Variants in VOPP1 observed in about 807,000 individuals in gnomAD.
VOPP1 encodes the protein VOPP1 WW domain binding protein.
In VOPP1, 8 loss-of-function variants were observed where a neutral mutation model predicts 23.5. The ratio of observed to expected loss-of-function variants is 0.34; its 90% confidence interval spans 0.20 to 0.61. The LOEUF (loss-of-function observed/expected upper bound fraction) is 0.61, where lower values mean the gene tolerates loss of function less well. Ranked by LOEUF, VOPP1 falls within the 20% of genes least tolerant of loss-of-function variation. VOPP1 has a pLI of 0.78. For synonymous variants in VOPP1, 83 were observed against 97.3 expected, an observed-to-expected ratio of 0.85 and a Z score of 0.86; for missense variants, 174 against 238.1, an observed-to-expected ratio of 0.73 and a Z score of 1.77.
chr7:55,556,938 T>C (rs1475973334), intron 1 of VOPP1, among the ~76,000 whole-genome samples: 1 of 152,060 alleles, frequency 6.6e-6, no homozygotes, highest in African/African-American at 2.4e-5. Flanking sequence ...AAAAGAAACA[T>C]CACCTAGAGC....
intron 4 of VOPP1, among the ~76,000 whole-genome samples, chr7:55,454,208 A>G (rs1237873482): frequency 1.3e-5 from 2 of 152,112 alleles, no homozygotes; most frequent in Non-Finnish European, 2.9e-5. Context: ...TTCTAAATGG[A>G]TAAATTTCTG....
At chr7:55,528,204 A>C (rs1207969784) in intron 1 of VOPP1, among the ~76,000 whole-genome samples, 1 of 152,200 alleles carries the variant, frequency 6.6e-6, no homozygotes, top group African/African-American at 2.4e-5. Context: ...TTTGCTAAGA[A>C]AAAAAGGTCA....
At chr7:55,447,210 G>A (rs879424551) in intron 4 of VOPP1, among the ~76,000 whole-genome samples, 5 of 152,332 alleles carry the variant, frequency 3.3e-5, no homozygotes, top group South Asian at 2.1e-4. Flanking sequence ...CAGGCAAGGC[G>A]TCAGATTAGG....
At chr7:55,463,904 C>T (rs1055505921) in intron 4 of VOPP1, among the ~76,000 whole-genome samples, 21 of 152,336 alleles carry the variant, frequency 1.4e-4, no homozygotes, top group Non-Finnish European at 2.6e-4. Context: ...GTGCAAACTC[C>T]GGCAGACTGG....
intron 1 of VOPP1, among the ~76,000 whole-genome samples, chr7:55,535,506 G>A (rs1028394929): frequency 2.0e-5 from 3 of 152,028 alleles, no homozygotes; most frequent in Admixed American, 1.3e-4. Context: ...TGTCTCTGCC[G>A]CTCCTCCCAG....
At position 55,521,226 on chromosome 7, in the gene VOPP1, A is replaced by G. The variant is rs1352065118; in HGVS notation, c.55-96T>C. On this transcript the variant is annotated intron_variant, in intron 1 of 4. Transcript: ENST00000285279. ...GGCAGAAAGAAGGATGAGAAGACAC[A>G]GCTTAACCCATGAAAAGCTGGGATA... The G allele has an allele frequency of 4.7e-6, 6 of 1,264,338 alleles. No homozygotes were observed. In the African/African-American group the frequency reaches 6.0e-5, roughly 13 times the overall value. 78.3% of individuals were successfully genotyped at this position (1,264,338 alleles called of 1,614,324 possible).
At chr7:55,468,134 G>A (rs1373265362), downstream of VOPP1, among the ~76,000 whole-genome samples, 1 of 152,034 alleles carries the variant, frequency 6.6e-6, no homozygotes, top group Non-Finnish European at 1.5e-5. Flanking sequence ...AGCTGAGTGT[G>A]GTGGCATGTG....
At chr7:55,557,813 G>A (rs1379289503) in intron 1 of VOPP1, among the ~76,000 whole-genome samples, 1 of 152,244 alleles carries the variant, frequency 6.6e-6, no homozygotes, top group Non-Finnish European at 1.5e-5. Flanking sequence ...GGAAGGTGGA[G>A]CAAATGAGAG....
At chr7:55,534,223 C>T (rs1796652948) in intron 1 of VOPP1, among the ~76,000 whole-genome samples, 1 of 150,428 alleles carries the variant, frequency 6.6e-6, no homozygotes, top group Admixed American at 6.7e-5. Context: ...TCTACAGACA[C>T]TTAATAGACA....
intron 1 of VOPP1, among the ~76,000 whole-genome samples, chr7:55,567,219 A>G (rs1798191011): frequency 6.6e-6 from 1 of 152,202 alleles, no homozygotes; most frequent in African/African-American, 2.4e-5. Context: ...GCTCTGTGCC[A>G]GGCATGGTTC....
chr7:55,532,564 G>C lies in VOPP1; in HGVS notation c.55-11434C>G, dbSNP rs1796556800. ...TATGGAGAGTGAGAATATGGAACCT[G>C]TGATCCAAAATGAACCAGAAAAACA... On this transcript the variant is annotated intron_variant, in intron 1 of 4. Transcript: ENST00000285279. Among the ~76,000 whole-genome samples the C allele has an allele frequency of 2.0e-5, 3 of 152,200 alleles. No individual in the cohort carries two copies. The South Asian group carries it at 6.2e-4, about 31-fold the overall frequency.
rs1049744795 is a variant in VOPP1, at chr7:55,474,516, C to T, written c.329-1471G>A. 7.2e-5 allele frequency among the ~76,000 whole-genome samples: 11 copies of T among 152,286 alleles called. No homozygotes were observed. In the East Asian group the frequency reaches 1.9e-3, roughly 27 times the overall value. On this transcript the variant is annotated intron_variant, in intron 4 of 4. Coordinates refer to ENST00000285279, the MANE Select transcript of VOPP1 (RefSeq NM_030796.5). ...GGCCTGGGATTGACTCGATGGGGAG[C>T]GCACAGCGTGGGAGACAAGGGCTGA... is the stretch of plus-strand genomic sequence containing the variant.
intron 4 of VOPP1, among the ~76,000 whole-genome samples, chr7:55,482,079 TG>T (rs1402712897): frequency 2.0e-5 from 3 of 152,200 alleles, no homozygotes; most frequent in Non-Finnish European, 4.4e-5. Flanking sequence ...ACATGACTAT[TG>T]TATCTTCACC....
At chr7:55,487,360 A>C (rs1388596049) in intron 4 of VOPP1, among the ~76,000 whole-genome samples, 2 of 152,242 alleles carry the variant, frequency 1.3e-5, no homozygotes, top group African/African-American at 4.8e-5. Flanking sequence ...TCATTTTTAA[A>C]GAAAACTTGA....
Position 55,464,774 on chromosome 7 carries a change from G to A in VOPP1, n.417+27508C>T, listed in dbSNP as rs967486931. Among the ~76,000 whole-genome samples, 9 of 152,304 alleles carry A rather than the reference G, an allele frequency of 5.9e-5. No homozygotes were observed. The East Asian group carries it at 1.7e-3, about 29-fold the overall frequency. ...CGGGGAAGGATGTAGTCTGGTGGAG[G>A]CTGGCCTCTCAAAATAATGCCATGC... On this transcript the variant is annotated intron_variant and non_coding_transcript_variant, in intron 4 of 4. Coordinates refer to the VOPP1 transcript ENST00000462326.
At chr7:55,464,938 G>A (rs1040338698) in intron 4 of VOPP1, among the ~76,000 whole-genome samples, 4 of 152,204 alleles carry the variant, frequency 2.6e-5, no homozygotes, top group African/African-American at 9.7e-5. Context: ...CTGTGGCTAG[G>A]ACTGTAAGAG....
intron 4 of VOPP1, among the ~76,000 whole-genome samples, chr7:55,489,634 G>A (rs1287664979): frequency 6.6e-6 from 1 of 152,176 alleles, no homozygotes; most frequent in African/African-American, 2.4e-5. Context: ...AGGCGCCTCA[G>A]CAGGTGTGCA....
At chr7:55,518,863 G>C (rs1467289510) in intron 2 of VOPP1, among the ~76,000 whole-genome samples, 1 of 152,228 alleles carries the variant, frequency 6.6e-6, no homozygotes, top group East Asian at 1.9e-4. Flanking sequence ...ACAAAGACGT[G>C]AGAACTGGAC....
chr7:55,552,896 G>A (rs908900056), intron 1 of VOPP1: 10 of 1,255,780 alleles, frequency 8.0e-6, no homozygotes, highest in Admixed American at 3.4e-5. Context: ...TCCTGAACCC[G>A]AAGAAAAAAT....
Sources: gnomAD v4.1 joint callset for allele counts (sites outside exome capture counted in the v4.1 genomes callset) on GRCh38, gnomAD v4.1.1 for gene constraint, MANE v1.5 for transcripts, NCBI Gene and HGNC (gene_info 2026-07-23, HGNC 2026-07-21) for gene names.